The following NELL1 variants were observed in gnomAD, a reference collection of about 807,000 sequenced individuals.
NELL1 encodes the protein protein kinase C-binding protein NELL1.
In NELL1, 76 loss-of-function variants were observed where a neutral mutation model predicts 107.4. The ratio of observed to expected loss-of-function variants is 0.71; its 90% CI spans 0.59 to 0.86. The LOEUF (loss-of-function observed/expected upper bound fraction) is 0.86, where lower values mean the gene tolerates loss of function less well. Ranked by LOEUF, NELL1 falls within the 40% of genes least tolerant of loss-of-function variation. NELL1 has a pLI of 0.00. For missense variants in NELL1, 1,024 were observed against 1,005.5 expected, an observed-to-expected ratio of 1.02 and a Z score of -0.25; for synonymous variants, 353 against 341.2, an observed-to-expected ratio of 1.03 and a Z score of -0.38.
intron 15 of NELL1, among the ~76,000 whole-genome samples, chr11:21,443,828 T>C (rs1468871770): frequency 6.7e-6 from 1 of 150,366 alleles, no homozygotes; most frequent in Non-Finnish European, 1.5e-5. Flanking sequence ...TACTGCACTC[T>C]AGCCTGGAGA....
intron 14 of NELL1, among the ~76,000 whole-genome samples, chr11:21,278,192 A>C (rs2133944114): frequency 6.6e-6 from 1 of 152,344 alleles, no homozygotes. Flanking sequence ...GTCACACAAT[A>C]ATGAGAAACT....
At chr11:21,571,995 G>A (rs1394550593) in intron 18 of NELL1, among the ~76,000 whole-genome samples, 2 of 151,814 alleles carry the variant, frequency 1.3e-5, no homozygotes, top group African/African-American at 2.4e-5. Context: ...TCAGGTGAAT[G>A]TGCAGATAAT....
intron 2 of NELL1, among the ~76,000 whole-genome samples, chr11:20,696,112 G>A (rs1209587415): frequency 2.0e-5 from 3 of 151,822 alleles, no homozygotes; most frequent in Non-Finnish European, 4.4e-5. Context: ...TATTTCTGGG[G>A]GATTGGTTGA....
chr11:20,984,795 G>GTAAT (rs1433546616), intron 12 of NELL1, among the ~76,000 whole-genome samples: 1 of 152,028 alleles, frequency 6.6e-6, no homozygotes, highest in Non-Finnish European at 1.5e-5. Context: ...AGAGAAGGGA[G>GTAAT]TAATTGGCTT....
intron 12 of NELL1, among the ~76,000 whole-genome samples, chr11:21,003,727 T>G (rs1457764217): frequency 1.3e-5 from 2 of 152,096 alleles, no homozygotes; most frequent in African/African-American, 4.8e-5. Context: ...TCTCTGAGGG[T>G]CTCTGACTCC....
At chr11:20,960,603 G>T in intron 12 of NELL1, 43 bp downstream of exon 12, 1 of 1,610,266 alleles carries the variant, frequency 6.2e-7, no homozygotes, top group South Asian at 1.1e-5. Context: ...GAGGTTGACT[G>T]AGAAGTGTAT....
intron 12 of NELL1, among the ~76,000 whole-genome samples, chr11:20,998,411 AC>A (rs1244554109): frequency 6.6e-6 from 1 of 152,016 alleles, no homozygotes; most frequent in African/African-American, 2.4e-5. Context: ...TTTGTTTGTT[AC>A]CCCTTCTGAA....
chr11:21,289,895 A>T (rs1243517067), intron 14 of NELL1, among the ~76,000 whole-genome samples: 1 of 152,098 alleles, frequency 6.6e-6, no homozygotes, highest in Non-Finnish European at 1.5e-5. Context: ...AACTGGGTGG[A>T]GCCTACCACA....
intron 15 of NELL1, among the ~76,000 whole-genome samples, chr11:21,466,870 A>G (rs1029693045): frequency 2.6e-5 from 4 of 151,870 alleles, no homozygotes; most frequent in African/African-American, 9.7e-5. Flanking sequence ...CTAGATGCCT[A>G]GATGTTGAAG....
chr11:21,413,522 A>G (rs2133813122), intron 15 of NELL1, among the ~76,000 whole-genome samples: 1 of 152,148 alleles, frequency 6.6e-6, no homozygotes, highest in South Asian at 2.1e-4. Context: ...TACTTTCACA[A>G]AATCTGATTT....
At position 20,973,490 on chromosome 11, in the gene NELL1, G is replaced by A. The variant is rs574818681; in HGVS notation, c.1300+12930G>A. Among the ~76,000 whole-genome samples, 31 of 152,226 alleles carry A rather than the reference G, an allele frequency of 2.0e-4. No homozygotes were observed. In the East Asian group the frequency reaches 4.1e-3, roughly 20 times the overall value. Reference sequence around the variant, plus strand: ...CTGTTTCTGATTCATCTTTATATCCGCAGCCTAGCACCTGTAATATACTAG... The same window carrying A: ...CTGTTTCTGATTCATCTTTATATCCACAGCCTAGCACCTGTAATATACTAG... On this transcript the variant is annotated intron_variant, in intron 12 of 19. Transcript: ENST00000357134.
intron 3 of NELL1, among the ~76,000 whole-genome samples, chr11:20,806,175 A>G (rs1857379691): frequency 6.7e-6 from 1 of 148,440 alleles, no homozygotes. Context: ...CATTTCTTAT[A>G]GGACAGTTCT....
At chr11:21,404,649 A>G (rs947618526) in intron 15 of NELL1, among the ~76,000 whole-genome samples, 7 of 152,026 alleles carry the variant, frequency 4.6e-5, no homozygotes, top group African/African-American at 1.7e-4. Context: ...CTACTGAATC[A>G]TCATAATAAT....
chr11:20,813,423 T>G (rs1857546750), intron 3 of NELL1, among the ~76,000 whole-genome samples: 1 of 152,174 alleles, frequency 6.6e-6, no homozygotes, highest in African/African-American at 2.4e-5. Flanking sequence ...ATTGGCCCTG[T>G]AGAAATAGTT....
At chr11:21,380,973 T>C (rs1282301616) in intron 15 of NELL1, among the ~76,000 whole-genome samples, 1 of 152,018 alleles carries the variant, frequency 6.6e-6, no homozygotes, top group Non-Finnish European at 1.5e-5. Context: ...TTTGCATTTA[T>C]TATTTCCTGT....
At chr11:20,821,298 A>G (rs569977100) in intron 3 of NELL1, among the ~76,000 whole-genome samples, 2 of 152,300 alleles carry the variant, frequency 1.3e-5, no homozygotes, top group South Asian at 2.1e-4. Flanking sequence ...AATACAAATT[A>G]CTATCCAGCT....
Position 20,898,367 on chromosome 11 carries a change from C to G in NELL1, c.603+12827C>G, listed in dbSNP as rs1590393783. ...TTCTCACTCATAAGGGGGAATTGAA[C>G]AATGACAACACATGGACACAGGAAG... is the stretch of plus-strand genomic sequence containing the variant. On this transcript the variant is annotated intron_variant, in intron 5 of 19. Transcript: ENST00000357134. Among the ~76,000 whole-genome samples the G allele has an allele frequency of 2.6e-5, 4 of 151,930 alleles. No homozygotes were observed. In the South Asian group the frequency reaches 6.2e-4, roughly 24 times the overall value.
At chr11:20,780,036 A>G (rs1856823298) in intron 2 of NELL1, among the ~76,000 whole-genome samples, 1 of 152,172 alleles carries the variant, frequency 6.6e-6, no homozygotes, top group African/African-American at 2.4e-5. Context: ...AATTTACTTG[A>G]AAGGGCTTCT....
chr11:21,337,849 CTTTCTTTCTTTCTT>C (rs1565175670), intron 14 of NELL1, among the ~76,000 whole-genome samples: 1 of 131,304 alleles, frequency 7.6e-6, no homozygotes, highest in African/African-American at 2.8e-5. Flanking sequence ...TTCTTTCTTT[CTTTCTTTCTTTCTT>C]TCTTTCTTTC....
Sources: allele counts gnomAD v4.1 joint callset (sites outside exome capture counted in the v4.1 genomes callset), GRCh38; gene constraint gnomAD v4.1.1; transcripts MANE v1.5; gene names NCBI Gene and HGNC (gene_info 2026-07-23, HGNC 2026-07-21).